The following KAZN variants were observed in gnomAD, a reference collection of about 807,000 sequenced individuals.
KAZN encodes kazrin.
Under a neutral mutation model 87.4 loss-of-function variants are expected in KAZN, and 40 were observed. That is an observed-to-expected ratio of 0.46 (90% CI 0.36 to 0.60). The LOEUF (loss-of-function observed/expected upper bound fraction) is 0.60, where lower values mean the gene tolerates loss of function less well. Among genes scored for constraint, KAZN ranks in the 20% least tolerant of loss-of-function variants. The probability of loss-of-function intolerance (pLI) is 0.00; values close to 1 mark genes in which losing one functional copy is unlikely to be tolerated. For synonymous variants in KAZN, 466 were observed against 458.3 expected (o/e 1.02, Z -0.22); for missense variants, 898 against 1,073.9 (o/e 0.84, Z 2.29).
chr1:15,055,130 A>G (rs1674811229), intron 4 of KAZN, among the ~76,000 whole-genome samples: 2 of 152,216 alleles, frequency 1.3e-5, no homozygotes, highest in South Asian at 4.1e-4. Flanking sequence ...TTTTCTTACA[A>G]TCGGACTTGA....
chr1:15,002,582 C>A lies in KAZN; in HGVS notation c.419-32167C>A, dbSNP rs143124866. On this transcript the variant is annotated intron_variant, in intron 2 of 14. Coordinates refer to ENST00000376030, the MANE Select transcript of KAZN (RefSeq NM_201628.3). Reference sequence around the variant, plus strand: ...TTCCCGGAACCTAAGTTTCCTCATTCAGAAAAATCAGCGTCATCGCCATCA... The same window carrying A: ...TTCCCGGAACCTAAGTTTCCTCATTAAGAAAAATCAGCGTCATCGCCATCA... Among the ~76,000 whole-genome samples, 47 of 152,264 alleles carry A rather than the reference C, an allele frequency of 3.1e-4. 1 individual carries two copies. The highest frequency in any genetic ancestry group is 3.4e-3 in the Middle Eastern group (1 of 294).
chr1:14,432,476 G>T (rs953172026), intron 2 of KAZN, among the ~76,000 whole-genome samples: 1 of 152,156 alleles, frequency 6.6e-6, no homozygotes, highest in African/African-American at 2.4e-5. Context: ...AGATATATGG[G>T]GTTCCCACTG....
intron 1 of KAZN, among the ~76,000 whole-genome samples, chr1:14,643,774 A>C (rs1167505650): frequency 1.3e-5 from 2 of 152,098 alleles, no homozygotes; most frequent in Non-Finnish European, 2.9e-5. Flanking sequence ...CTAATTTTAC[A>C]CTCTCAACAG....
At position 14,858,203 on chromosome 1, in the gene KAZN, C is replaced by CTTTTGCT. The variant is rs1572663679; in HGVS notation, c.227-102477_227-102476insGCTTTTT. On this transcript the variant is annotated intron_variant, in intron 1 of 14. Transcript: ENST00000376030. ...ACATTTCTTTCTTTTTTTCTTTTTTCTTTTTCTTTTCTTTTTTTTTTTTTT... is the reference window on the plus strand; with the variant it reads ...ACATTTCTTTCTTTTTTTCTTTTTTCTTTTGCTTTTTTCTTTTCTTTTTTTTTTTTTT... Among the ~76,000 whole-genome samples, 5 of 95,104 alleles carry CTTTTGCT rather than the reference C, an allele frequency of 5.3e-5. No homozygotes were observed. In the East Asian group the frequency reaches 6.8e-4, roughly 13 times the overall value. 62.4% of individuals were successfully genotyped at this position (95,104 alleles called of 152,430 possible).
At chr1:14,453,322 A>G (rs914196089) in intron 2 of KAZN, among the ~76,000 whole-genome samples, 1 of 152,166 alleles carries the variant, frequency 6.6e-6, no homozygotes, top group Non-Finnish European at 1.5e-5. Context: ...GTAAAGGGAA[A>G]TGTGTCTCTA....
At chr1:14,009,109 A>G (rs139487402) in intron 1 of KAZN, among the ~76,000 whole-genome samples, 2,318 of 152,298 alleles carry the variant, frequency 0.015, 60 homozygotes, top group African/African-American at 0.053. Context: ...AATGAGCTCA[A>G]TGTTCATCCA....
intron 2 of KAZN, among the ~76,000 whole-genome samples, chr1:14,396,059 T>G (rs1000413246): frequency 2.7e-5 from 4 of 149,774 alleles, no homozygotes; most frequent in Non-Finnish European, 5.9e-5. Flanking sequence ...TCCCAGCCAC[T>G]CAGGAGGCTG....
chr1:14,416,076 C>G (rs888053847), intron 2 of KAZN, among the ~76,000 whole-genome samples: 14 of 152,134 alleles, frequency 9.2e-5, no homozygotes, highest in African/African-American at 3.4e-4. Context: ...GCACTGCTCT[C>G]CTGCTTCATG....
At chr1:14,287,687 A>C (rs1302354133) in intron 2 of KAZN, among the ~76,000 whole-genome samples, 2 of 152,112 alleles carry the variant, frequency 1.3e-5, no homozygotes, top group Non-Finnish European at 2.9e-5. Flanking sequence ...TCTCTTGCTG[A>C]TTGCCCTGGC....
intron 1 of KAZN, among the ~76,000 whole-genome samples, chr1:13,900,550 C>T (rs1480256463): frequency 3.9e-5 from 6 of 152,132 alleles, no homozygotes; most frequent in Non-Finnish European, 5.9e-5. Context: ...GAGTAAGCAG[C>T]GTACACAGTG....
chr1:14,875,331 CAAAAAAAAA>C (rs58205013), intron 1 of KAZN, among the ~76,000 whole-genome samples: 1 of 86,926 alleles, frequency 1.2e-5, no homozygotes, highest in East Asian at 3.8e-4. Context: ...AACTCTGTCT[CAAAAAAAAA>C]AAAAAAAAAA....
At chr1:14,582,311 G>C (rs1199891035) in intron 2 of KAZN, among the ~76,000 whole-genome samples, 6 of 152,186 alleles carry the variant, frequency 3.9e-5, no homozygotes, top group Non-Finnish European at 5.9e-5. Context: ...CCATCTTAAA[G>C]TGGGCATCAA....
At chr1:13,991,580 GT>G (rs1359127518) in intron 1 of KAZN, among the ~76,000 whole-genome samples, 1 of 151,978 alleles carries the variant, frequency 6.6e-6, no homozygotes, top group Non-Finnish European at 1.5e-5. Flanking sequence ...TATTGCCTCT[GT>G]TTTTAATATC....
chr1:14,560,110 C>A lies in KAZN; in HGVS notation c.250-38873C>A, dbSNP rs535100614. 6.6e-5 allele frequency among the ~76,000 whole-genome samples: 10 copies of A among 152,272 alleles called. No individual in the cohort carries two copies. In the East Asian group the frequency reaches 1.9e-3, roughly 29 times the overall value. ...TAAAGACATCTTTTGTTTTAACATTCCCACTGTCCTTTCTTGAAATAAGAA... is the reference window on the plus strand; with the variant it reads ...TAAAGACATCTTTTGTTTTAACATTACCACTGTCCTTTCTTGAAATAAGAA... On this transcript the variant is annotated intron_variant, in intron 2 of 16. Transcript: ENST00000636203.
At chr1:14,374,769 CAA>C (rs1660767324) in intron 2 of KAZN, among the ~76,000 whole-genome samples, 1 of 152,114 alleles carries the variant, frequency 6.6e-6, no homozygotes, top group Admixed American at 6.5e-5. Context: ...TTGACATATA[CAA>C]ATCATCACGC....
At chr1:14,348,523 G>A (rs1658282351) in intron 2 of KAZN, among the ~76,000 whole-genome samples, 1 of 152,198 alleles carries the variant, frequency 6.6e-6, no homozygotes, top group African/African-American at 2.4e-5. Context: ...GTTCACAGTT[G>A]CCTGGGGATT....
chr1:14,256,394 A>AAAGGAGAG (rs1303141649), intron 2 of KAZN, among the ~76,000 whole-genome samples: 1 of 152,056 alleles, frequency 6.6e-6, no homozygotes, highest in Non-Finnish European at 1.5e-5. Flanking sequence ...ACTGAAATTC[A>AAAGGAGAG]AAGGAGAGAA....
intron 2 of KAZN, among the ~76,000 whole-genome samples, chr1:14,975,220 G>A (rs556265580): frequency 2.0e-5 from 3 of 152,294 alleles, no homozygotes; most frequent in East Asian, 1.9e-4. Context: ...TCCTGGGCTC[G>A]CATTCCAGGA....
At chr1:13,997,389 G>A (rs765586008) in intron 1 of KAZN, among the ~76,000 whole-genome samples, 7 of 151,954 alleles carry the variant, frequency 4.6e-5, no homozygotes, top group African/African-American at 1.5e-4. Flanking sequence ...TGACAGAAAC[G>A]GACTTCAGAA....
Sources: gnomAD v4.1 joint callset for allele counts (sites outside exome capture counted in the v4.1 genomes callset) on GRCh38, gnomAD v4.1.1 for gene constraint, MANE v1.5 for transcripts, NCBI Gene and HGNC (gene_info 2026-07-23, HGNC 2026-07-21) for gene names.